TMEM150C: variants seen among roughly 807,000 people sequenced by gnomAD.
TMEM150C encodes tentonin 3.
A neutral mutation model predicts 29.9 loss-of-function variants in TMEM150C; 10 were observed. That is an observed-to-expected ratio of 0.33 (90% CI 0.21 to 0.57). The LOEUF (loss-of-function observed/expected upper bound fraction) is 0.57, where lower values mean the gene tolerates loss of function less well. Among genes scored for constraint, TMEM150C ranks in the 20% least tolerant of loss-of-function variants. The pLI is 0.88. For synonymous variants in TMEM150C, 101 were observed against 112.5 expected (o/e 0.90, Z 0.64); for missense variants, 251 against 303.6 (o/e 0.83, Z 1.29).
At chr4:82,525,381 T>A (rs982743349) in intron 1 of TMEM150C, among the ~76,000 whole-genome samples, 9 of 152,178 alleles carry the variant, frequency 5.9e-5, no homozygotes, top group Admixed American at 5.9e-4. Context: ...CTGTATTGTT[T>A]CCAAAGTCTA....
intron 1 of TMEM150C, among the ~76,000 whole-genome samples, chr4:82,549,056 AAAG>A (rs1014273138): frequency 6.0e-4 from 91 of 152,342 alleles, no homozygotes; most frequent in Non-Finnish European, 5.3e-4. Context: ...AGATGGTGAT[AAAG>A]AAGAAGATGA....
At chr4:82,544,659 G>T (rs573362824) in intron 1 of TMEM150C, among the ~76,000 whole-genome samples, 1 of 152,156 alleles carries the variant, frequency 6.6e-6, no homozygotes, top group Non-Finnish European at 1.5e-5. Context: ...CACACCTGTG[G>T]TCCCAGCTAC....
At chr4:82,534,547 G>C (rs965682297) in intron 1 of TMEM150C, among the ~76,000 whole-genome samples, 5 of 152,200 alleles carry the variant, frequency 3.3e-5, no homozygotes, top group Admixed American at 2.6e-4. Context: ...AGACAGTAAA[G>C]AGTTATCAAT....
In TMEM150C at chr4:82,513,834, G is replaced by C. The variant is rs563635329; in HGVS notation, c.-10-9167C>G. ...CTACATTGAGAGAGGAAAACATGGA[G>C]GGCAAGGAAGCAAAGAAATAAAGTA... On this transcript the variant is annotated intron_variant, in intron 1 of 7. Transcript: ENST00000449862. Among the ~76,000 whole-genome samples, 302 of 152,318 alleles carry C rather than the reference G, an allele frequency of 2.0e-3. 1 individual carries two copies. The highest frequency in any genetic ancestry group is 6.9e-3 in the African/African-American group (287 of 41,572).
In TMEM150C at chr4:82,490,128, A is replaced by T. The variant is rs774579037; in HGVS notation, c.474T>A (p.Asn158Lys). ...GTGGAATTCCAACTCTCCGTCCTTC[A>T]TTCTTGATGTTGACCTTGAGTGTCA... ...AALTLKVNIK[N>K]EGRRVGIPRV... is the part of the protein sequence containing the mutation. Residue 158 changes from asparagine (N) to lysine (K), a missense_variant, in exon 7 of 8, where the codon AAT (asparagine) becomes AAA (lysine). Transcript: ENST00000449862. The T allele has an allele frequency of 5.6e-6, 9 of 1,614,026 alleles. No homozygotes were observed. Among genetic ancestry groups the T allele is most frequent in the Non-Finnish European group, 6.8e-6 (8 of 1,179,886 alleles).
chr4:82,495,921 G>T, intron 6 of TMEM150C, 147 bp downstream of exon 6: 1 of 986,416 alleles, frequency 1.0e-6, no homozygotes, highest in Non-Finnish European at 1.5e-6. Context: ...GCTCCGAGTT[G>T]CCATGGAAAA....
At chr4:82,562,037 GC>G (rs1725957109), upstream of TMEM150C, 1 of 1,154,388 alleles carries the variant, frequency 8.7e-7, no homozygotes, top group African/African-American at 1.7e-5. Flanking sequence ...CGCCCGCCCG[GC>G]CCCCTCCTGC....
At chr4:82,490,993 C>G (rs1723324930) in intron 6 of TMEM150C, 1 of 739,190 alleles carries the variant, frequency 1.4e-6, no homozygotes, top group Non-Finnish European at 2.5e-6. Context: ...GCTCCTTTGT[C>G]TTCCAAGTTA....
chr4:82,541,499 T>C (rs1244269228), intron 1 of TMEM150C, among the ~76,000 whole-genome samples: 1 of 152,196 alleles, frequency 6.6e-6, no homozygotes, highest in Non-Finnish European at 1.5e-5. Flanking sequence ...ATGTACTATG[T>C]CTGTACTCTA....
chr4:82,521,823 G>C (rs1376176720), intron 1 of TMEM150C, among the ~76,000 whole-genome samples: 2 of 152,176 alleles, frequency 1.3e-5, no homozygotes, highest in Non-Finnish European at 2.9e-5. Flanking sequence ...GCTCAGGAGG[G>C]GGACTGAAGG....
intron 7 of TMEM150C, 108 bp from the exon 8 acceptor site, chr4:82,485,827 A>G: frequency 1.1e-6 from 1 of 951,688 alleles, no homozygotes; most frequent in Non-Finnish European, 1.6e-6. Flanking sequence ...TCATCACTAG[A>G]AAAACTGGTA....
At chr4:82,518,942 A>G (rs922570659) in intron 1 of TMEM150C, among the ~76,000 whole-genome samples, 2 of 152,226 alleles carry the variant, frequency 1.3e-5, no homozygotes, top group African/African-American at 4.8e-5. Context: ...TTCTCAAATC[A>G]GTTATACTCC....
intron 1 of TMEM150C, among the ~76,000 whole-genome samples, chr4:82,545,197 C>T (rs778995355): frequency 1.3e-5 from 2 of 152,184 alleles, no homozygotes; most frequent in East Asian, 1.9e-4. Flanking sequence ...GTTAATTCCC[C>T]GTGATCGCAT....
In TMEM150C at chr4:82,491,581, T is replaced by C. The variant is rs926068118; in HGVS notation, c.364-1343A>G. On this transcript the variant is annotated intron_variant, in intron 6 of 7. Transcript: ENST00000449862. ...ACTTTCTTGGCCTCCTGCTTCTTCATGACAGCAGGGGCCGGAGCCACCTTC... is the reference window on the plus strand; with the variant it reads ...ACTTTCTTGGCCTCCTGCTTCTTCACGACAGCAGGGGCCGGAGCCACCTTC... 1.2e-4 allele frequency: 80 copies of C among 653,856 alleles called. 1 individual carries two copies. The highest frequency in any genetic ancestry group is 4.5e-5 in the Admixed American group (2 of 44,162). 40.5% of individuals were successfully genotyped at this position (653,856 alleles called of 1,614,324 possible).
At chr4:82,516,000 G>T (rs921973856) in intron 1 of TMEM150C, among the ~76,000 whole-genome samples, 4 of 152,036 alleles carry the variant, frequency 2.6e-5, no homozygotes, top group African/African-American at 9.7e-5. Context: ...AATTCACAAT[G>T]CTGGCTCTCC....
At chr4:82,513,085 C>T (rs778796627) in intron 1 of TMEM150C, among the ~76,000 whole-genome samples, 1 of 152,230 alleles carries the variant, frequency 6.6e-6, no homozygotes, top group Non-Finnish European at 1.5e-5. Flanking sequence ...CGCTCAAGCT[C>T]TGCTAAGGGA....
chr4:82,533,931 A>G (rs1249874862), intron 1 of TMEM150C, among the ~76,000 whole-genome samples: 1 of 152,332 alleles, frequency 6.6e-6, no homozygotes, highest in East Asian at 1.9e-4. Context: ...GAACTTTCAC[A>G]TTACTGAATT....
chr4:82,492,805 AAAAAAC>A (rs1258541781), intron 6 of TMEM150C, among the ~76,000 whole-genome samples: 1,895 of 139,164 alleles, frequency 0.014, 78 homozygotes, highest in African/African-American at 0.048. Flanking sequence ...AAAAAAAAAA[AAAAAAC>A]AACAAAGTCT....
At chr4:82,507,745 T>C (rs1723985244) in intron 1 of TMEM150C, among the ~76,000 whole-genome samples, 3 of 108,630 alleles carry the variant, frequency 2.8e-5, no homozygotes, top group African/African-American at 3.9e-5. Flanking sequence ...TTTTTTTTTT[T>C]TTTTTTTTTT....
Sources: gnomAD v4.1 joint callset for allele counts (sites outside exome capture counted in the v4.1 genomes callset) on GRCh38, gnomAD v4.1.1 for gene constraint, MANE v1.5 for transcripts, NCBI Gene and HGNC (gene_info 2026-07-23, HGNC 2026-07-21) for gene names.